MAD1L1: variants seen among roughly 807,000 people sequenced by gnomAD.
MAD1L1 encodes the protein mitotic arrest deficient 1 like 1, also known as mitotic spindle assembly checkpoint protein MAD1.
Under a neutral mutation model 96.9 loss-of-function variants are expected in MAD1L1, and 95 were observed. The ratio of observed to expected loss-of-function variants is 0.98; its 90% CI spans 0.83 to 1.16. The LOEUF (loss-of-function observed/expected upper bound fraction) is 1.16, where lower values mean the gene tolerates loss of function less well. Ranked by LOEUF, MAD1L1 falls within the 50% of genes most tolerant of loss-of-function variation. The pLI, the probability that MAD1L1 is intolerant of heterozygous loss-of-function variation, is 0.00. For missense variants in MAD1L1, 1,007 were observed against 954.4 expected (o/e 1.06, Z -0.73); for synonymous variants, 473 against 396.6 (o/e 1.19, Z -2.29).
chr7:2,092,159 G>C (rs1786248992), intron 11 of MAD1L1, among the ~76,000 whole-genome samples: 1 of 152,230 alleles, frequency 6.6e-6, no homozygotes. Context: ...AGTGCCGTCA[G>C]TGATCTTACA....
At chr7:2,191,936 C>T (rs985095577) in intron 10 of MAD1L1, among the ~76,000 whole-genome samples, 2 of 150,856 alleles carry the variant, frequency 1.3e-5, no homozygotes, top group Non-Finnish European at 1.5e-5. Context: ...GAGGCTGAGG[C>T]GGAAGAATTG....
At chr7:2,102,306 A>G (rs376979099) in intron 11 of MAD1L1, among the ~76,000 whole-genome samples, 30 of 107,446 alleles carry the variant, frequency 2.8e-4, no homozygotes, top group South Asian at 1.0e-3. Flanking sequence ...CACCATCACC[A>G]CCGTCACCAT....
At chr7:1,917,218 C>T (rs1266557452) in intron 17 of MAD1L1, among the ~76,000 whole-genome samples, 1 of 152,196 alleles carries the variant, frequency 6.6e-6, no homozygotes, top group Non-Finnish European at 1.5e-5. Context: ...GCGAGGGAGC[C>T]GCGGCATGGA....
chr7:1,849,047 TACACACAC>T (rs57306853), intron 18 of MAD1L1: 13,829 of 148,356 alleles, frequency 0.093, 1,080 homozygotes, highest in African/African-American at 0.21. Flanking sequence ...GGTGTACATG[TACACACAC>T]ACACACACAC....
chr7:1,826,226 G>A (rs1206146088), intron 18 of MAD1L1, among the ~76,000 whole-genome samples: 3 of 152,114 alleles, frequency 2.0e-5, no homozygotes, highest in Non-Finnish European at 4.4e-5. Flanking sequence ...TCCACGGCCC[G>A]AAGGTGATCC....
At chr7:1,924,546 T>C (rs895256429) in intron 17 of MAD1L1, among the ~76,000 whole-genome samples, 1 of 152,146 alleles carries the variant, frequency 6.6e-6, no homozygotes, top group Admixed American at 6.5e-5. Flanking sequence ...AATGGTATCC[T>C]TCAGTAACGA....
chr7:1,962,949 A>G (rs573910733), intron 15 of MAD1L1, among the ~76,000 whole-genome samples: 31 of 152,250 alleles, frequency 2.0e-4, no homozygotes, highest in Admixed American at 1.1e-3. Flanking sequence ...CCTGTCTGTA[A>G]AAGAAACATT....
intron 10 of MAD1L1, among the ~76,000 whole-genome samples, chr7:2,180,937 C>A (rs1791171253): frequency 6.6e-6 from 1 of 152,168 alleles, no homozygotes; most frequent in South Asian, 2.1e-4. Context: ...CAATGCTGAA[C>A]AGAAGTGGAG....
chr7:2,014,601 G>A lies in MAD1L1; in HGVS notation c.1260C>T (p.Ser420=), dbSNP rs749868832. 42 of 1,612,394 alleles carry A rather than the reference G, an allele frequency of 2.6e-5. No individual in the cohort carries two copies. Among genetic ancestry groups the A allele is most frequent in the East Asian group, 4.5e-5 (2 of 44,864 alleles). Residue 420 remains serine, a synonymous_variant, in exon 13 of 19, where the codon AGC becomes AGT. Transcript: ENST00000265854. ...GMRAILGSYD[S]ELTPAEYSPQ... ...GTGAGTACTCGGCCGGGGTCAGCTCGCTGTCGTAGGACCCCAGGATGGCCC... is the reference window on the plus strand; with the variant it reads ...GTGAGTACTCGGCCGGGGTCAGCTCACTGTCGTAGGACCCCAGGATGGCCC...
chr7:1,819,821 G>A (rs1301921165), intron 18 of MAD1L1, among the ~76,000 whole-genome samples: 7 of 152,202 alleles, frequency 4.6e-5, no homozygotes, highest in East Asian at 1.9e-4. Flanking sequence ...GGTGGGGCTC[G>A]GAGGCCAAGG....
chr7:2,067,104 C>T (rs1192704114), intron 12 of MAD1L1, among the ~76,000 whole-genome samples: 1 of 152,228 alleles, frequency 6.6e-6, no homozygotes, highest in Non-Finnish European at 1.5e-5. Flanking sequence ...GACCCAGAAT[C>T]GGGGACTGGG....
chr7:2,079,077 C>T (rs1785510775), intron 11 of MAD1L1, among the ~76,000 whole-genome samples: 1 of 152,250 alleles, frequency 6.6e-6, no homozygotes, highest in Non-Finnish European at 1.5e-5. Flanking sequence ...GGGTGAATGC[C>T]TCGCTGAAGA....
chr7:2,010,055 C>A (rs1220176649), intron 13 of MAD1L1, among the ~76,000 whole-genome samples: 1 of 147,512 alleles, frequency 6.8e-6, no homozygotes, highest in African/African-American at 2.5e-5. Flanking sequence ...TTCTTCACTG[C>A]ATGATTTTTA....
intron 4 of MAD1L1, among the ~76,000 whole-genome samples, chr7:2,224,515 C>G (rs1303563512): frequency 1.3e-5 from 2 of 152,168 alleles, no homozygotes; most frequent in Non-Finnish European, 2.9e-5. Context: ...ATCTGCAGGC[C>G]AGGGGCAAGC....
chr7:2,101,358 G>C (rs1333049760), intron 11 of MAD1L1, among the ~76,000 whole-genome samples: 2 of 81,480 alleles, frequency 2.5e-5, no homozygotes, highest in Non-Finnish European at 2.5e-5. Context: ...CATCCAGGTG[G>C]GTGGCATGAG....
intron 18 of MAD1L1, among the ~76,000 whole-genome samples, chr7:1,828,472 G>T (rs117850389): frequency 0.015 from 2,333 of 152,298 alleles, 29 homozygotes; most frequent in Non-Finnish European, 0.022. Context: ...AGCTCACACT[G>T]GGCTGGACCA....
intron 14 of MAD1L1, among the ~76,000 whole-genome samples, chr7:1,989,872 C>A (rs1781328553): frequency 6.6e-6 from 1 of 152,230 alleles, no homozygotes; most frequent in South Asian, 2.1e-4. Context: ...CACTCATAGC[C>A]CCAACCTTCA....
At chr7:2,231,722 T>A (rs1416467204) in intron 1 of MAD1L1, among the ~76,000 whole-genome samples, 1 of 152,206 alleles carries the variant, frequency 6.6e-6, no homozygotes, top group Non-Finnish European at 1.5e-5. Flanking sequence ...TTTCATTGTT[T>A]ATTTCTAGTG....
chr7:2,083,796 C>T (rs1430116545), intron 11 of MAD1L1, among the ~76,000 whole-genome samples: 1 of 152,236 alleles, frequency 6.6e-6, no homozygotes, highest in Non-Finnish European at 1.5e-5. Context: ...AGATCTGTTC[C>T]TGATACTGCA....
Sources: allele counts gnomAD v4.1 joint callset (sites outside exome capture counted in the v4.1 genomes callset), GRCh38; gene constraint gnomAD v4.1.1; transcripts MANE v1.5; gene names NCBI Gene and HGNC (gene_info 2026-07-23, HGNC 2026-07-21).